DDX17: variants seen among roughly 807,000 people sequenced by gnomAD.
DDX17 encodes DEAD-box helicase 17.
A neutral mutation model predicts 80.8 loss-of-function variants in DDX17; 10 were observed. The ratio of observed to expected loss-of-function variants is 0.12; its 90% CI spans 0.08 to 0.21. The LOEUF is 0.21. Among genes scored for constraint, DDX17 ranks in the 10% least tolerant of loss-of-function variants. DDX17 has a pLI of 1.00. For missense variants in DDX17, 586 were observed against 957.4 expected, an observed-to-expected ratio of 0.61 and a Z score of 5.12; for synonymous variants, 339 against 336.2, an observed-to-expected ratio of 1.01 and a Z score of -0.09.
intron 1 of DDX17, among the ~76,000 whole-genome samples, chr22:38,501,969 G>C (rs2089835344): frequency 6.6e-6 from 1 of 152,216 alleles, no homozygotes; most frequent in African/African-American, 2.4e-5. Context: ...TACACTCCAA[G>C]CAAGTCCCTC....
chr22:38,498,455 A>G lies in DDX17; in HGVS notation c.657T>C (p.Ser219=). 1 of 1,614,230 alleles carries G rather than the reference A, an allele frequency of 6.2e-7. No individual in the cohort carries two copies. ...TCATACATACCGCCAACGTCTTCCC[A>G]GAGCCAGTCTGAGCAATGCCCACCA... Residue 219 remains serine (S), a synonymous_variant, in exon 4 of 13, where the codon TCT becomes TCC. Coordinates refer to ENST00000403230, the MANE Select transcript of DDX17 (RefSeq NM_006386.5).
At chr22:38,499,606 A>G in intron 2 of DDX17, 107 bp from the exon 3 acceptor site, 2 of 840,290 alleles carry the variant, frequency 2.4e-6, no homozygotes, top group East Asian at 2.5e-5. Context: ...ATGTTGGCAA[A>G]TATTTAATAG....
At chr22:38,499,554 T>G in intron 2 of DDX17, 55 bp from the exon 3 acceptor site, 18 of 1,385,714 alleles carry the variant, frequency 1.3e-5, no homozygotes, top group Non-Finnish European at 1.8e-5. Flanking sequence ...ACATTCAGAA[T>G]TTATGTTCCA....
At chr22:38,487,845 G>C in intron 12 of DDX17, 34 bp downstream of exon 12, 2 of 1,612,094 alleles carry the variant, frequency 1.2e-6, no homozygotes, top group Non-Finnish European at 8.5e-7. Flanking sequence ...AGATACCTTG[G>C]CAGTACCTGG....
rs771549582 is a variant in DDX17 at position 38,501,211 on chromosome 22, T to C, written c.357A>G (p.Lys119=). Residue 119 remains lysine (K), a synonymous_variant, in exon 2 of 13, where the codon AAA becomes AAG. Coordinates refer to ENST00000403230, the MANE Select transcript of DDX17 (RefSeq NM_006386.5). ...GGAGCTCACTCAAATCCCACTTTTTTTTACGCAAACGCTCCCCAGGATTAC... is the reference window on the plus strand; with the variant it reads ...GGAGCTCACTCAAATCCCACTTTTTCTTACGCAAACGCTCCCCAGGATTAC... 3 of 1,613,900 alleles carry C rather than the reference T, an allele frequency of 1.9e-6. No homozygotes were observed. Among genetic ancestry groups the C allele is most frequent in the Non-Finnish European group, 2.5e-6 (3 of 1,179,966 alleles).
chr22:38,488,178 C>T (rs1170157250), intron 11 of DDX17, 63 bp from the exon 12 acceptor site: 2 of 1,610,068 alleles, frequency 1.2e-6, no homozygotes, highest in Non-Finnish European at 1.7e-6. Flanking sequence ...AGGTAAAGGA[C>T]ATGCCAACAA....
In DDX17 at chr22:38,505,848, C is replaced by T. The variant is rs1303407168; in HGVS notation, c.287+103G>A. 1.3e-5 allele frequency: 18 copies of T among 1,403,286 alleles called. No homozygotes were observed. The Admixed American group carries it at 2.6e-4, about 21-fold the overall frequency. 86.9% of individuals were successfully genotyped at this position (1,403,286 alleles called of 1,614,324 possible). Reference sequence around the variant, plus strand: ...CCTCGAGTCGCCTCCCCTCGCCTCCCGGGTCGAGAGCAAGGCTCCCAGGCT... The same window carrying T: ...CCTCGAGTCGCCTCCCCTCGCCTCCTGGGTCGAGAGCAAGGCTCCCAGGCT... On this transcript the variant is annotated intron_variant, in intron 1 of 12. Coordinates refer to ENST00000403230, the MANE Select transcript of DDX17 (RefSeq NM_006386.5).
intron 11 of DDX17, chr22:38,488,637 T>C (rs1397830456): frequency 1.0e-6 from 1 of 987,602 alleles, no homozygotes; most frequent in South Asian, 4.6e-5. Context: ...ATTACTACAA[T>C]TTAAAGGAAA....
chr22:38,501,351 T>A (rs1241498016), intron 1 of DDX17, 71 bp from the exon 2 acceptor site: 1 of 1,507,674 alleles, frequency 6.6e-7, no homozygotes, highest in Non-Finnish European at 8.9e-7. Flanking sequence ...ATAAGAATAT[T>A]CAAAAAGGAT....
At chr22:38,505,858 G>A (rs1307794227) in intron 1 of DDX17, 93 bp downstream of exon 1, 2 of 1,451,066 alleles carry the variant, frequency 1.4e-6, no homozygotes, top group Admixed American at 2.3e-5. Flanking sequence ...CGGGTCGAGA[G>A]CAAGGCTCCC....
Position 38,489,871 on chromosome 22 carries a change from G to C in DDX17, c.1448-1756C>G, listed in dbSNP as rs918515115. 30 of 985,854 alleles carry C rather than the reference G, an allele frequency of 3.0e-5. 1 individual carries two copies. Among genetic ancestry groups the C allele is most frequent in the Admixed American group, 1.2e-4 (2 of 16,318 alleles). The allele number at this position is 985,854 out of a possible 1,614,324, so 61.1% of individuals were successfully genotyped here. A position where few individuals can be genotyped will look rare whatever the true frequency, so the allele number is the denominator to read the frequency against. On this transcript the variant is annotated intron_variant, in intron 11 of 12. Transcript: ENST00000403230. The surrounding 1 kb of genome is among the most constrained non-coding windows in gnomAD (Gnocchi z 4.6). ...AGGGGGTGGGGAATTCTACTCCATG[G>C]TATCTTCAGAGCTAGGATAATGCTC...
intron 2 of DDX17, among the ~76,000 whole-genome samples, chr22:38,500,547 G>A (rs1171056406): frequency 3.3e-5 from 5 of 151,792 alleles, no homozygotes; most frequent in East Asian, 1.9e-4. Context: ...GGTGGCTCAC[G>A]CCTGTAATCC....
chr22:38,486,395 T>G lies in DDX17; in HGVS notation c.1730A>C (p.Asn577Thr). 6.2e-7 allele frequency: 1 copy of G among 1,613,002 alleles called. No individual in the cohort carries two copies. The highest frequency in any genetic ancestry group is 8.5e-7 in the Non-Finnish European group (1 of 1,179,550). Residue 577 changes from asparagine (N) to threonine (T), a missense_variant, in exon 13 of 13, where the codon AAT becomes ACT. By Grantham distance (65) the Asn-to-Thr change is moderately conservative (BLOSUM62 0). Coordinates refer to ENST00000403230, the MANE Select transcript of DDX17 (RefSeq NM_006386.5). ...GTCACACTCATCCTGATACATCAGA[T>G]TGGGATTGTTGGCTGAAGAAGTGGT...
intron 4 of DDX17, 44 bp downstream of exon 4, chr22:38,498,396 A>G (rs569752437): frequency 5.6e-6 from 9 of 1,609,806 alleles, no homozygotes; most frequent in Middle Eastern, 1.7e-4. Context: ...GAATAGCAAA[A>G]TAAGTTACCA....
intron 1 of DDX17, among the ~76,000 whole-genome samples, chr22:38,503,408 T>A (rs891911668): frequency 3.3e-5 from 5 of 152,208 alleles, no homozygotes; most frequent in African/African-American, 1.2e-4. Context: ...TTTAAACTGA[T>A]GATTATCATT....
rs1457834395 is a variant in DDX17, at chr22:38,489,889, T to C, written c.1448-1774A>G. ...CTCCATGGTATCTTCAGAGCTAGGATAATGCTCCTTATGCAATCCCACTGC... is the reference window on the plus strand; with the variant it reads ...CTCCATGGTATCTTCAGAGCTAGGACAATGCTCCTTATGCAATCCCACTGC... On this transcript the variant is annotated intron_variant, in intron 11 of 12. Coordinates refer to ENST00000403230, the MANE Select transcript of DDX17 (RefSeq NM_006386.5). This position sits in a 1 kb window ranked among gnomAD's most constrained non-coding sequence, Gnocchi z 4.6. 1 of 986,964 alleles carries C rather than the reference T, an allele frequency of 1.0e-6. No individual in the cohort carries two copies. Among genetic ancestry groups the C allele is most frequent in the Non-Finnish European group, 1.2e-6 (1 of 831,058 alleles). 61.1% of individuals were successfully genotyped at this position (986,964 alleles called of 1,614,324 possible). A position where few individuals can be genotyped will look rare whatever the true frequency, so the allele number is the denominator to read the frequency against.
At chr22:38,499,987 A>C (rs2089810921) in intron 2 of DDX17, among the ~76,000 whole-genome samples, 1 of 151,774 alleles carries the variant, frequency 6.6e-6, no homozygotes, top group Non-Finnish European at 1.5e-5. Context: ...CAACATGGTG[A>C]AACTCCGTCT....
chr22:38,505,841 C>G, intron 1 of DDX17, 110 bp downstream of exon 1: 1 of 1,366,628 alleles, frequency 7.3e-7, no homozygotes, highest in South Asian at 1.4e-5. Context: ...CGCCTCCCCT[C>G]GCCTCCCGGG....
intron 11 of DDX17, chr22:38,490,524 C>T (rs374293913): frequency 1.7e-6 from 2 of 1,143,410 alleles, no homozygotes; most frequent in Non-Finnish European, 2.3e-6. Context: ...AAAAAATATC[C>T]CAGTGGAAAG....
Sources: allele counts gnomAD v4.1 joint callset (sites outside exome capture counted in the v4.1 genomes callset), GRCh38; gene constraint gnomAD v4.1.1; non-coding constraint Gnocchi (gnomAD v3.1); transcripts MANE v1.5; gene names NCBI Gene and HGNC (gene_info 2026-07-23, HGNC 2026-07-21).